PIGK: variants seen among roughly 807,000 people sequenced by gnomAD.
The protein encoded by PIGK is phosphatidylinositol glycan anchor biosynthesis class K, also known as GPI-anchor transamidase.
PIGK carries 42 observed loss-of-function variants against 50.6 expected under a neutral mutation model. The observed-to-expected ratio is 0.83, with a 90% CI of 0.65 to 1.07. The LOEUF is 1.07. PIGK is among the 50% of genes least tolerant of loss of function. PIGK has a pLI of 0.00. For missense variants in PIGK, 448 were observed against 488.7 expected, an observed-to-expected ratio of 0.92 and a Z score of 0.78; for synonymous variants, 151 against 156.0, an observed-to-expected ratio of 0.97 and a Z score of 0.24.
intron 3 of PIGK, among the ~76,000 whole-genome samples, chr1:77,202,635 A>C (rs1431084281): frequency 6.6e-6 from 1 of 152,178 alleles, no homozygotes; most frequent in Non-Finnish European, 1.5e-5. Flanking sequence ...GAGTAAGAGG[A>C]AATAAAGAAT....
At chr1:77,116,562 C>CTGTGTGTGTGTGTG (rs763119489) in intron 10 of PIGK, among the ~76,000 whole-genome samples, 24 of 135,090 alleles carry the variant, frequency 1.8e-4, no homozygotes, top group African/African-American at 6.8e-4. Flanking sequence ...AAATGTGTCT[C>CTGTGTGTGTGTGTG]TGTGTGTGTG....
chr1:77,155,172 T>A (rs1002996232), intron 8 of PIGK, among the ~76,000 whole-genome samples: 1 of 152,182 alleles, frequency 6.6e-6, no homozygotes, highest in Non-Finnish European at 1.5e-5. Flanking sequence ...TACTCCTATG[T>A]AGCATTTTAT....
At chr1:77,217,704 G>A (rs1286008882) in intron 1 of PIGK, among the ~76,000 whole-genome samples, 1 of 152,136 alleles carries the variant, frequency 6.6e-6, no homozygotes, top group Admixed American at 6.5e-5. Flanking sequence ...AGATATGATG[G>A]AATAACAGTA....
intron 3 of PIGK, among the ~76,000 whole-genome samples, chr1:77,175,829 A>G (rs1406094884): frequency 6.6e-6 from 1 of 152,170 alleles, no homozygotes; most frequent in East Asian, 1.9e-4. Context: ...TTTAACAAAA[A>G]TTCTAAAGAG....
chr1:77,185,636 T>A (rs1330679263), intron 3 of PIGK, among the ~76,000 whole-genome samples: 1 of 151,902 alleles, frequency 6.6e-6, no homozygotes, highest in African/African-American at 2.4e-5. Context: ...ATTTATTGAG[T>A]GACCTGAAAG....
At chr1:77,157,382 T>C (rs554268783) in intron 8 of PIGK, among the ~76,000 whole-genome samples, 1 of 152,252 alleles carries the variant, frequency 6.6e-6, no homozygotes, top group South Asian at 2.1e-4. Flanking sequence ...AAAAACTAAA[T>C]AGCAATTAAG....
chr1:77,139,910 T>A (rs1654610589), intron 9 of PIGK, among the ~76,000 whole-genome samples: 1 of 152,200 alleles, frequency 6.6e-6, no homozygotes, highest in African/African-American at 2.4e-5. Context: ...CATTAATTTT[T>A]TGTTCCGAGA....
chr1:77,172,933 T>C lies in PIGK; in HGVS notation c.240-3538A>G, dbSNP rs1036847125. Among the ~76,000 whole-genome samples the C allele has an allele frequency of 1.8e-4, 27 of 151,884 alleles. 1 individual carries two copies. Among genetic ancestry groups the C allele is most frequent in the Admixed American group, 1.8e-3 (27 of 15,242 alleles). On this transcript the variant is annotated intron_variant, in intron 3 of 10. Coordinates refer to ENST00000370812, the MANE Select transcript of PIGK (RefSeq NM_005482.3). ...AGCGAGACTCCGCCTCAGAAAAAAA[T>C]AATAATAATAATAAATTTGCAGGGA... is the stretch of plus-strand genomic sequence containing the variant.
intron 10 of PIGK, among the ~76,000 whole-genome samples, chr1:77,101,840 C>T (rs1274009262): frequency 1.3e-5 from 2 of 152,090 alleles, no homozygotes; most frequent in Admixed American, 6.6e-5. Context: ...CCCATCTCTA[C>T]TAAAAATACA....
chr1:77,211,586 T>A (rs1640472599), intron 1 of PIGK, among the ~76,000 whole-genome samples: 1 of 152,050 alleles, frequency 6.6e-6, no homozygotes, highest in Non-Finnish European at 1.5e-5. Context: ...TTGTGAGATA[T>A]AATCTCCCTA....
intron 3 of PIGK, among the ~76,000 whole-genome samples, chr1:77,195,954 T>C (rs1557428150): frequency 6.6e-6 from 1 of 152,132 alleles, no homozygotes; most frequent in Admixed American, 6.5e-5. Flanking sequence ...TAGTATTCAA[T>C]AGGTAGTTTT....
At chr1:77,152,658 A>AAAAACAAAAC (rs912519071) in intron 9 of PIGK, among the ~76,000 whole-genome samples, 1 of 151,920 alleles carries the variant, frequency 6.6e-6, no homozygotes, top group East Asian at 1.9e-4. Flanking sequence ...CTCAATGGCA[A>AAAAACAAAAC]AAAACAAAAC....
At chr1:77,209,655 T>C (rs757421149) in intron 2 of PIGK, among the ~76,000 whole-genome samples, 12 of 152,054 alleles carry the variant, frequency 7.9e-5, no homozygotes, top group Non-Finnish European at 1.6e-4. Flanking sequence ...CAGCCCTGTT[T>C]ACAATAACAA....
At chr1:77,155,225 A>G (rs1488592110) in intron 8 of PIGK, among the ~76,000 whole-genome samples, 1 of 152,196 alleles carries the variant, frequency 6.6e-6, no homozygotes, top group African/African-American at 2.4e-5. Context: ...AATAAGCCCA[A>G]GCTACCTCCA....
chr1:77,219,409 C>T lies in PIGK; in HGVS notation c.-7G>A. ...GGCTGTCGGTGACGGCCATGTTTACCGGCTTCAGACTTCCCGCACCTGAAG... is the reference window on the plus strand; with the variant it reads ...GGCTGTCGGTGACGGCCATGTTTACTGGCTTCAGACTTCCCGCACCTGAAG... On this transcript the variant is annotated 5_prime_UTR_variant, in exon 1 of 11. Transcript: ENST00000370812. The T allele has an allele frequency of 6.2e-7, 1 of 1,611,902 alleles. No individual in the cohort carries two copies.
chr1:77,124,630 A>AAC (rs1553181007), intron 9 of PIGK, among the ~76,000 whole-genome samples: 16 of 151,606 alleles, frequency 1.1e-4, no homozygotes, highest in African/African-American at 1.7e-4. Flanking sequence ...CAAAAAAAAA[A>AAC]ACACACACAC....
chr1:77,214,304 C>G (rs1656497705), intron 1 of PIGK, among the ~76,000 whole-genome samples: 1 of 152,108 alleles, frequency 6.6e-6, no homozygotes, highest in Non-Finnish European at 1.5e-5. Flanking sequence ...CAAACTGAAT[C>G]CAACAGCACA....
At chr1:77,186,322 G>C (rs1342099878) in intron 3 of PIGK, among the ~76,000 whole-genome samples, 3 of 152,242 alleles carry the variant, frequency 2.0e-5, no homozygotes, top group Admixed American at 2.0e-4. Context: ...GGACATCCCT[G>C]AAGGACAGCG....
chr1:77,132,158 T>G (rs1452708335), intron 9 of PIGK, among the ~76,000 whole-genome samples: 1 of 152,030 alleles, frequency 6.6e-6, no homozygotes, highest in Admixed American at 6.5e-5. Flanking sequence ...TGAAAATGTC[T>G]CATGTAAATA....
Sources: gnomAD v4.1 joint callset for allele counts (sites outside exome capture counted in the v4.1 genomes callset) on GRCh38, gnomAD v4.1.1 for gene constraint, MANE v1.5 for transcripts, NCBI Gene and HGNC (gene_info 2026-07-23, HGNC 2026-07-21) for gene names.